Variants in BCL9 observed in about 807,000 individuals in gnomAD.
BCL9 encodes BCL9 transcription coactivator, also known as B-cell CLL/lymphoma 9 protein.
BCL9 carries 25 observed loss-of-function variants against 88.5 expected under a neutral mutation model. The observed-to-expected ratio is 0.28, with a 90% CI of 0.21 to 0.39. The LOEUF is 0.39. Ranked by LOEUF, BCL9 falls within the 10% of genes least tolerant of loss-of-function variation. BCL9 has a pLI of 1.00. For missense variants in BCL9, 1,817 were observed against 1,877.8 expected, an observed-to-expected ratio of 0.97 and a Z score of 0.60; for synonymous variants, 711 against 673.3, an observed-to-expected ratio of 1.06 and a Z score of -0.87.
chr1:147,596,475 G>A (rs187925363), intron 1 of BCL9, among the ~76,000 whole-genome samples: 42 of 149,684 alleles, frequency 2.8e-4, no homozygotes, highest in African/African-American at 9.1e-4. Flanking sequence ...GTGCAGTGGA[G>A]CGATCTAGGC....
intron 1 of BCL9, among the ~76,000 whole-genome samples, chr1:147,555,638 G>T (rs781865824): frequency 1.3e-5 from 2 of 152,204 alleles, no homozygotes; most frequent in South Asian, 2.1e-4. Flanking sequence ...GGAGTCGAAG[G>T]CTTCCTATTA....
chr1:147,542,496 A>G (rs587737758), intron 1 of BCL9, among the ~76,000 whole-genome samples: 1 of 152,346 alleles, frequency 6.6e-6, no homozygotes, highest in South Asian at 2.1e-4. Flanking sequence ...ATCGTCAGCT[A>G]GAGATGCTGT....
In BCL9 at chr1:147,620,840, G is replaced by T. The variant is rs1553205192; in HGVS notation, c.2685G>T (p.Met895Ile). The stretch of plus-strand genomic sequence containing the variant: ...AGACTCCATCGCAGCTGGCAGGCAT[G>T]CTGGCGGGCCCAGCTGCTGCTGCTT... ...SPQTPSQLAG[M>I]LAGPAAAASI... The change falls in exon 8 of 10, where the codon ATG becomes ATT. Residue 895 changes from methionine to isoleucine, a missense_variant. Coordinates refer to ENST00000234739, the MANE Select transcript of BCL9 (RefSeq NM_004326.4). 7 of 1,614,164 alleles carry T rather than the reference G, an allele frequency of 4.3e-6. No homozygotes were observed. The Admixed American group carries it at 1.2e-4, about 27-fold the overall frequency.
chr1:147,579,011 G>T (rs960976732), intron 1 of BCL9, among the ~76,000 whole-genome samples: 4 of 152,048 alleles, frequency 2.6e-5, no homozygotes, highest in Non-Finnish European at 5.9e-5. Flanking sequence ...GATTACAGGC[G>T]CCTGCCACCA....
rs587689305 is a variant in BCL9, at chr1:147,574,733, G to C, written c.-477-30044G>C. Among the ~76,000 whole-genome samples, 4 of 152,260 alleles carry C rather than the reference G, an allele frequency of 2.6e-5. No homozygotes were observed. The East Asian group carries it at 7.7e-4, about 29-fold the overall frequency. Reference sequence around the variant, plus strand: ...TGTTTGTACGCCTCTGCCACAGCACGCGATTTGTTTCATGTCTGATTAAAC... The same window carrying C: ...TGTTTGTACGCCTCTGCCACAGCACCCGATTTGTTTCATGTCTGATTAAAC... On this transcript the variant is annotated intron_variant, in intron 1 of 9. Transcript: ENST00000234739.
In BCL9 at chr1:147,624,116, T is replaced by G. The variant is rs1658804953; in HGVS notation, c.3438T>G (p.Ser1146=). 6.3e-7 allele frequency: 1 copy of G among 1,599,508 alleles called. No individual in the cohort carries two copies. The highest frequency in any genetic ancestry group is 8.5e-7 in the Non-Finnish European group (1 of 1,171,206). The change falls in exon 10 of 10, where the codon TCT becomes TCG. Residue 1146 remains serine, a synonymous_variant. Transcript: ENST00000234739. This position sits in a 1 kb window ranked among gnomAD's most constrained non-coding sequence, Gnocchi z 4.4. ...GFPQGFPPVQ[S]PPQQVPFPHN... ...CCCAGGGCTTCCCTCCAGTACAGTCTCCCCCACAGCAGGTTCCATTCCCTC... is the reference window on the plus strand; with the variant it reads ...CCCAGGGCTTCCCTCCAGTACAGTCGCCCCCACAGCAGGTTCCATTCCCTC...
chr1:147,587,400 C>G (rs1388001586), intron 1 of BCL9, among the ~76,000 whole-genome samples: 4 of 152,194 alleles, frequency 2.6e-5, no homozygotes. Flanking sequence ...GCCCCTCCCC[C>G]GGAACAGGCT....
intron 1 of BCL9, among the ~76,000 whole-genome samples, chr1:147,566,681 G>A (rs1655612688): frequency 1.3e-5 from 2 of 152,152 alleles, no homozygotes; most frequent in African/African-American, 2.4e-5. Flanking sequence ...GCGTGAACCC[G>A]GGAGGCGGAG....
chr1:147,550,676 G>GCCTGTGCTTTCTT (rs782505597), intron 1 of BCL9, among the ~76,000 whole-genome samples: 8 of 152,320 alleles, frequency 5.3e-5, no homozygotes, highest in Middle Eastern at 3.4e-3. Flanking sequence ...GAGCTTCAAA[G>GCCTGTGCTTTCTT]CCTGTGCTTT....
In BCL9 at chr1:147,545,882, G is replaced by A. The variant is rs1008009562; in HGVS notation, c.-478+4208G>A. On this transcript the variant is annotated intron_variant, in intron 1 of 9. Transcript: ENST00000234739. ...TTATCCTTCTGTTATATTTGAGTAA[G>A]GTTATGTGACTCACCCAAGGACTCA... Among the ~76,000 whole-genome samples, 6 of 152,086 alleles carry A rather than the reference G, an allele frequency of 3.9e-5. No homozygotes were observed. In the East Asian group the frequency reaches 1.2e-3, roughly 29 times the overall value.
chr1:147,594,302 A>T (rs587625420), intron 1 of BCL9, among the ~76,000 whole-genome samples: 1 of 152,342 alleles, frequency 6.6e-6, no homozygotes, highest in South Asian at 2.1e-4. Context: ...TGATTTAAGG[A>T]GGAATTTGTG....
chr1:147,583,644 A>C (rs1426037965), intron 1 of BCL9, among the ~76,000 whole-genome samples: 2 of 151,786 alleles, frequency 1.3e-5, no homozygotes, highest in Non-Finnish European at 2.9e-5. Context: ...GTATGTAATC[A>C]AGTCTATTCA....
rs782286134 is a variant in BCL9, at chr1:147,619,704, C to A, written c.1549C>A (p.Pro517Thr). 1 of 1,613,888 alleles carries A rather than the reference C, an allele frequency of 6.2e-7. No individual in the cohort carries two copies. The highest frequency in any genetic ancestry group is 1.3e-5 in the African/African-American group (1 of 74,914). Residue 517 changes from proline to threonine, a missense_variant, in exon 8 of 10, where the codon CCA becomes ACA. Around this residue, in one of 2 missense-constraint regions of BCL9, gnomAD observed 1,228 missense variants for 1,191.6 expected, o/e 1.03. Coordinates refer to ENST00000234739, the MANE Select transcript of BCL9 (RefSeq NM_004326.4). The surrounding 1 kb of genome is among the most constrained non-coding windows in gnomAD (Gnocchi z 4.1). Reference sequence around the variant, plus strand: ...GGGAGTGGTCCGAGGACCCCCCCCTCCATACCAGATGACCCCTAGTGAAGG... The same window carrying A: ...GGGAGTGGTCCGAGGACCCCCCCCTACATACCAGATGACCCCTAGTGAAGG... ...PRGVVRGPPP[P>T]YQMTPSEGWA... is the part of the protein sequence containing the mutation.
At chr1:147,578,096 A>G (rs1299656104) in intron 1 of BCL9, among the ~76,000 whole-genome samples, 1 of 152,130 alleles carries the variant, frequency 6.6e-6, no homozygotes, top group Admixed American at 6.6e-5. Flanking sequence ...GCCAGCTTCT[A>G]TTTGCCATCA....
At chr1:147,578,874 T>TC (rs1464964781) in intron 1 of BCL9, among the ~76,000 whole-genome samples, 2 of 151,328 alleles carry the variant, frequency 1.3e-5, no homozygotes, top group African/African-American at 4.9e-5. Context: ...TCTTTTTTTT[T>TC]CTTTTTTTTG....
At position 147,619,547 on chromosome 1, in the gene BCL9, T is replaced by C. The variant is rs1388347787; in HGVS notation, c.1392T>C (p.His464=). ...CCATAGGACCCGACCACCTTGACCA[T>C]ATGACTCCCGAGCAGATAGCGTGGC... ...SGTIGPDHLD[H]MTPEQIAWLK... The change falls in exon 8 of 10, where the codon CAT becomes CAC. Residue 464 remains histidine (H), a synonymous_variant. Transcript: ENST00000234739. This position sits in a 1 kb window ranked among gnomAD's most constrained non-coding sequence, Gnocchi z 4.1. 2.5e-6 allele frequency: 4 copies of C among 1,614,004 alleles called. No individual in the cohort carries two copies. Among genetic ancestry groups the C allele is most frequent in the Admixed American group, 3.3e-5 (2 of 60,008 alleles).
intron 1 of BCL9, among the ~76,000 whole-genome samples, chr1:147,592,024 A>G (rs1276663436): frequency 6.6e-6 from 1 of 152,208 alleles, no homozygotes; most frequent in Non-Finnish European, 1.5e-5. Context: ...GTGCTTACTA[A>G]TGCTTGACTG....
chr1:147,585,602 T>C (rs1553199122), intron 1 of BCL9, among the ~76,000 whole-genome samples: 1 of 152,216 alleles, frequency 6.6e-6, no homozygotes, highest in East Asian at 1.9e-4. Flanking sequence ...TCAGATTTAA[T>C]TACCTGTTGT....
At chr1:147,580,115 T>C (rs1363259726) in intron 1 of BCL9, among the ~76,000 whole-genome samples, 2 of 152,152 alleles carry the variant, frequency 1.3e-5, no homozygotes, top group Admixed American at 1.3e-4. Context: ...GGTCTGGGCA[T>C]TGGAAGAACT....
Sources: gnomAD v4.1 joint callset for allele counts (sites outside exome capture counted in the v4.1 genomes callset) on GRCh38, gnomAD v4.1.1 for gene constraint, gnomAD v4.1.1 regional missense constraint, Gnocchi (gnomAD v3.1) non-coding constraint, MANE v1.5 for transcripts, NCBI Gene and HGNC (gene_info 2026-07-23, HGNC 2026-07-21) for gene names.